ADAMTS10: variants seen among roughly 807,000 people sequenced by gnomAD.
ADAMTS10 encodes ADAM metallopeptidase with thrombospondin type 1 motif 10.
A neutral mutation model predicts 135.9 loss-of-function variants in ADAMTS10; 48 were observed. That is an observed-to-expected ratio of 0.35 (90% CI 0.28 to 0.45). The LOEUF (loss-of-function observed/expected upper bound fraction) is 0.45, where lower values mean the gene tolerates loss of function less well. ADAMTS10 is among the 20% of genes least tolerant of loss of function. The pLI is 1.00. For missense variants in ADAMTS10, 1,131 were observed against 1,565.2 expected, an observed-to-expected ratio of 0.72 and a Z score of 4.68; for synonymous variants, 621 against 647.5, an observed-to-expected ratio of 0.96 and a Z score of 0.62.
intron 25 of ADAMTS10, among the ~76,000 whole-genome samples, chr19:8,584,154 C>CAAAA (rs34412373): frequency 1.8e-4 from 8 of 44,854 alleles, no homozygotes; most frequent in Non-Finnish European, 2.9e-4. Context: ...GACTCCATCT[C>CAAAA]AAAAAAAAAA....
rs1054849061 is a variant in ADAMTS10, at chr19:8,593,255, C to A, written c.1480-385G>T. The A allele has an allele frequency of 2.0e-5, 5 of 243,960 alleles. No homozygotes were observed. In the East Asian group the frequency reaches 3.0e-4, roughly 15 times the overall value. The allele number at this position is 243,960 out of a possible 1,614,324, so 15.1% of individuals were successfully genotyped here. A position where few individuals can be genotyped will look rare whatever the true frequency, so the allele number is the denominator to read the frequency against. ...GAACTTTGCAATTCAGTTCCTGGTG[C>A]CTTCTGAGTTTCTGGAAGGAAACGT... On this transcript the variant is annotated intron_variant, in intron 12 of 25. Coordinates refer to ENST00000597188, the MANE Select transcript of ADAMTS10 (RefSeq NM_030957.4).
intron 13 of ADAMTS10, among the ~76,000 whole-genome samples, chr19:8,592,472 A>G (rs1368703373): frequency 2.7e-5 from 4 of 150,332 alleles, no homozygotes; most frequent in Non-Finnish European, 4.4e-5. Context: ...GAGAGAGCAA[A>G]CAGTAGGCGT....
chr19:8,589,706 A>G, intron 16 of ADAMTS10, 121 bp from the exon 17 acceptor site: 5 of 1,520,082 alleles, frequency 3.3e-6, no homozygotes, highest in African/African-American at 1.4e-5. Flanking sequence ...CAGCTTGGGC[A>G]GAGGGAGTGG....
At chr19:8,595,586 A>G in intron 12 of ADAMTS10, 176 bp downstream of exon 12, 1 of 972,364 alleles carries the variant, frequency 1.0e-6, no homozygotes, top group Non-Finnish European at 1.6e-6. Flanking sequence ...TGCTTAGGAC[A>G]TTTTGCACAC....
chr19:8,597,151 A>T lies in ADAMTS10; in HGVS notation c.895-19T>A, dbSNP rs2042614565. The T allele has an allele frequency of 6.2e-7, 1 of 1,613,988 alleles. No homozygotes were observed. Among genetic ancestry groups the T allele is most frequent in the East Asian group, 2.2e-5 (1 of 44,890 alleles). On this transcript the variant is annotated intron_variant, in intron 7 of 25. Transcript: ENST00000597188. The stretch of plus-strand genomic sequence containing the variant: ...GAGTGGGCTGGGGATGGACAGAGGG[A>T]AATGCATGGGCACCCACCACCCAGG...
chr19:8,586,092 T>C (rs782390421), intron 22 of ADAMTS10, 30 bp downstream of exon 22: 1 of 1,612,062 alleles, frequency 6.2e-7, no homozygotes, highest in Non-Finnish European at 8.5e-7. Context: ...CCTCTCACCC[T>C]GAGCAACACT....
chr19:8,605,882 G>C lies in ADAMTS10; in HGVS notation c.-99-73C>G. The C allele has an allele frequency of 7.3e-7, 1 of 1,362,560 alleles. No individual in the cohort carries two copies. Among genetic ancestry groups the C allele is most frequent in the Non-Finnish European group, 9.7e-7 (1 of 1,031,922 alleles). The allele number at this position is 1,362,560 out of a possible 1,614,324, so 84.4% of individuals were successfully genotyped here. A position where few individuals can be genotyped will look rare whatever the true frequency, so the allele number is the denominator to read the frequency against. ...CACAACCAATGCCAAGGCCAATCAT[G>C]GCCAAAGCTTTTCACCTGACTCTGA... On this transcript the variant is annotated intron_variant, in intron 2 of 25. Coordinates refer to ENST00000597188, the MANE Select transcript of ADAMTS10 (RefSeq NM_030957.4). This position sits in a 1 kb window ranked among gnomAD's most constrained non-coding sequence, Gnocchi z 7.7.
rs782715181 is a variant in ADAMTS10, at chr19:8,589,971, C to T, written c.1818G>A (p.Gln606=). 2 of 1,613,852 alleles carry T rather than the reference C, an allele frequency of 1.2e-6. No individual in the cohort carries two copies. Among genetic ancestry groups the T allele is most frequent in the East Asian group, 2.2e-5 (1 of 44,870 alleles). Residue 606 remains glutamine, a synonymous_variant, in exon 16 of 26, where the codon CAG becomes CAA. Transcript: ENST00000597188. The part of the protein sequence containing the change: ...CNTDDCPPGS[Q]DFREVQCSEF... Reference sequence around the variant, plus strand: ...CAGAACACTGCACTTCTCTGAAGTCCTGGGAGCCAGGGGGACAGTCCTGGG... The same window carrying T: ...CAGAACACTGCACTTCTCTGAAGTCTTGGGAGCCAGGGGGACAGTCCTGGG...
intron 15 of ADAMTS10, 98 bp from the exon 16 acceptor site, chr19:8,590,089 A>G: frequency 1.2e-6 from 1 of 859,640 alleles, no homozygotes; most frequent in South Asian, 1.4e-5. Context: ...GAGGGAGGCT[A>G]GAGGCAGGGA....
chr19:8,589,189 T>C (rs2042482116), intron 18 of ADAMTS10, 53 bp downstream of exon 18: 1 of 1,609,500 alleles, frequency 6.2e-7, no homozygotes, highest in Admixed American at 1.7e-5. Flanking sequence ...CAGTTCCACC[T>C]GCAGTCAGCT....
At chr19:8,604,484 T>C (rs1255980498) in intron 4 of ADAMTS10, among the ~76,000 whole-genome samples, 1 of 147,956 alleles carries the variant, frequency 6.8e-6, no homozygotes, top group Non-Finnish European at 1.5e-5. Context: ...ATAAAAAATA[T>C]ATATATATAT....
chr19:8,597,222 A>G lies in ADAMTS10; in HGVS notation c.894+12T>C. ...ATGAAGGGGAAGGGGAAGGGGAGGA[A>G]GTCCCCCGCACCTGGTCCTCCGTGA... is the stretch of plus-strand genomic sequence containing the variant. On this transcript the variant is annotated intron_variant, in intron 7 of 25. Coordinates refer to ENST00000597188, the MANE Select transcript of ADAMTS10 (RefSeq NM_030957.4). The G allele has an allele frequency of 6.2e-7, 1 of 1,614,074 alleles. No individual in the cohort carries two copies. Among genetic ancestry groups the G allele is most frequent in the South Asian group, 1.1e-5 (1 of 91,070 alleles).
chr19:8,592,724 G>T (rs1555739372), intron 13 of ADAMTS10, 39 bp downstream of exon 13: 3 of 1,579,696 alleles, frequency 1.9e-6, no homozygotes, highest in Non-Finnish European at 2.6e-6. Context: ...AGGTGGCTCA[G>T]GGGGCGTGGC....
In ADAMTS10 at chr19:8,592,997, T is replaced by G. The variant is rs1221444584; in HGVS notation, c.1480-127A>C. 7 of 853,896 alleles carry G rather than the reference T, an allele frequency of 8.2e-6. No individual in the cohort carries two copies. The African/African-American group carries it at 1.2e-4, about 14-fold the overall frequency. The allele number at this position is 853,896 out of a possible 1,614,324, so 52.9% of individuals were successfully genotyped here. Reference sequence around the variant, plus strand: ...CAGAGCAGAGAGCCCGGTGCTCCCTTCCTGGCTCGCGGTGGGTCTTCGTGC... The same window carrying G: ...CAGAGCAGAGAGCCCGGTGCTCCCTGCCTGGCTCGCGGTGGGTCTTCGTGC... On this transcript the variant is annotated intron_variant, in intron 12 of 25. Transcript: ENST00000597188.
At chr19:8,594,309 T>C (rs1199306303) in intron 12 of ADAMTS10, among the ~76,000 whole-genome samples, 1 of 152,160 alleles carries the variant, frequency 6.6e-6, no homozygotes, top group East Asian at 1.9e-4. Flanking sequence ...TAAATGGCTA[T>C]GAGGCACGTG....
rs2042692244 is a variant in ADAMTS10 at position 8,603,859 on chromosome 19, T to C, written c.461A>G (p.Glu154Gly). ...GLHGLIVADE[E>G]EYLIEPLHGG... ...GTGCAGGGGCTCAATCAGGTACTCT[T>C]CCTCGTCTGCCACGATCAGGCCGTG... Residue 154 changes from glutamate to glycine, a missense_variant, in exon 5 of 26, where the codon GAA becomes GGA. Around this residue, in one of 3 missense-constraint regions of ADAMTS10, gnomAD observed 306 missense variants for 344.4 expected, o/e 0.89. Transcript: ENST00000597188. 6.2e-7 allele frequency: 1 copy of C among 1,612,986 alleles called. No homozygotes were observed. The highest frequency in any genetic ancestry group is 1.3e-5 in the African/African-American group (1 of 74,898).
intron 6 of ADAMTS10, 137 bp downstream of exon 6, chr19:8,600,791 C>T (rs192869263): frequency 1.8e-6 from 2 of 1,109,014 alleles, no homozygotes; most frequent in East Asian, 2.5e-5. Flanking sequence ...AGCCACCGCG[C>T]CCGGCCTGCA....
In ADAMTS10 at chr19:8,589,947, A is replaced by G; in HGVS notation, c.1842T>C (p.Ser614=). The change falls in exon 16 of 26, where the codon TCT becomes TCC. Residue 614 remains serine, a synonymous_variant. Coordinates refer to ENST00000597188, the MANE Select transcript of ADAMTS10 (RefSeq NM_030957.4). ...GSQDFREVQC[S]EFDSIPFRGK... ...CACGGAAAGGGATGCTGTCAAATTC[A>G]GAACACTGCACTTCTCTGAAGTCCT... 1 of 1,614,116 alleles carries G rather than the reference A, an allele frequency of 6.2e-7. No individual in the cohort carries two copies. The highest frequency in any genetic ancestry group is 8.5e-7 in the Non-Finnish European group (1 of 1,180,032).
chr19:8,592,356 GT>G, intron 13 of ADAMTS10: 1 of 711,680 alleles, frequency 1.4e-6, no homozygotes, highest in Non-Finnish European at 2.3e-6. Flanking sequence ...CACGATAAGC[GT>G]GGAGACGAGG....
Sources: gnomAD v4.1 joint callset for allele counts (sites outside exome capture counted in the v4.1 genomes callset) on GRCh38, gnomAD v4.1.1 for gene constraint, gnomAD v4.1.1 regional missense constraint, Gnocchi (gnomAD v3.1) non-coding constraint, MANE v1.5 for transcripts, NCBI Gene and HGNC (gene_info 2026-07-23, HGNC 2026-07-21) for gene names.